Variants in ATP6V0A4 observed in about 807,000 individuals in gnomAD.
ATP6V0A4 encodes ATPase H+ transporting V0 subunit a4, also known as V-type proton ATPase 116 kDa subunit a 4.
In ATP6V0A4, 86 loss-of-function variants were observed where a neutral mutation model predicts 107.3. That is an observed-to-expected ratio of 0.80 (90% CI 0.67 to 0.96). ATP6V0A4 has a LOEUF of 0.96. Among genes scored for constraint, ATP6V0A4 ranks in the 40% least tolerant of loss-of-function variants. ATP6V0A4 has a pLI of 0.00. For missense variants in ATP6V0A4, 908 were observed against 1,045.6 expected (o/e 0.87, Z 1.81); for synonymous variants, 353 against 381.4 (o/e 0.93, Z 0.87).
chr7:138,736,750 T>C (rs1805344102), intron 15 of ATP6V0A4, among the ~76,000 whole-genome samples: 1 of 151,924 alleles, frequency 6.6e-6, no homozygotes, highest in African/African-American at 2.4e-5. Flanking sequence ...TTTGTATTTT[T>C]AGTAGAGATG....
chr7:138,728,637 G>T, intron 18 of ATP6V0A4, 124 bp downstream of exon 18: 1 of 1,370,076 alleles, frequency 7.3e-7, no homozygotes, highest in Non-Finnish European at 1.0e-6. Flanking sequence ...GGGCGGGTCA[G>T]TTCCTCAACA....
intron 20 of ATP6V0A4, among the ~76,000 whole-genome samples, chr7:138,711,364 C>G (rs561022494): frequency 6.6e-6 from 1 of 152,160 alleles, no homozygotes; most frequent in African/African-American, 2.4e-5. Flanking sequence ...CTTAGGTGTC[C>G]CTGGTCACAG....
intron 18 of ATP6V0A4, among the ~76,000 whole-genome samples, chr7:138,727,725 G>A (rs1266948413): frequency 1.3e-5 from 2 of 152,212 alleles, no homozygotes; most frequent in Non-Finnish European, 2.9e-5. Flanking sequence ...CACGGTCTCA[G>A]CACATTCCGC....
In ATP6V0A4 at chr7:138,768,994, C is replaced by A. The variant is rs1807230614; in HGVS notation, c.197-120G>T. On this transcript the variant is annotated intron_variant, in intron 4 of 21. Coordinates refer to ENST00000310018, the MANE Select transcript of ATP6V0A4 (RefSeq NM_020632.3). ...TCAGCTACCTGAATTGTCCTAGGAG[C>A]TGCCACAGCACCTGGATCCCACCCC... The A allele has an allele frequency of 1.9e-6, 3 of 1,572,112 alleles. No homozygotes were observed. In the African/African-American group the frequency reaches 4.1e-5, roughly 21 times the overall value.
chr7:138,768,224 G>A (rs529019574), intron 5 of ATP6V0A4, among the ~76,000 whole-genome samples: 6 of 152,220 alleles, frequency 3.9e-5, no homozygotes, highest in South Asian at 2.1e-4. Context: ...GAGCCACTGC[G>A]CCCAGCTGGT....
chr7:138,726,288 C>T (rs974277100), intron 18 of ATP6V0A4, among the ~76,000 whole-genome samples: 2 of 152,220 alleles, frequency 1.3e-5, no homozygotes, highest in East Asian at 1.9e-4. Flanking sequence ...CGTGCCCGGC[C>T]GAAGATTTTA....
chr7:138,727,464 T>C (rs1804778285), intron 18 of ATP6V0A4, among the ~76,000 whole-genome samples: 1 of 152,220 alleles, frequency 6.6e-6, no homozygotes, highest in Non-Finnish European at 1.5e-5. Flanking sequence ...TGCTTTGTCT[T>C]CCTCTTTATG....
At chr7:138,792,780 TG>T (rs753991317) in intron 1 of ATP6V0A4, among the ~76,000 whole-genome samples, 5,990 of 38,228 alleles carry the variant, frequency 0.16, 303 homozygotes, top group African/African-American at 0.26. Flanking sequence ...TTTTTTTTGT[TG>T]TTTTGTTTTT....
At chr7:138,797,665 G>T (rs1808748652) in intron 1 of ATP6V0A4, among the ~76,000 whole-genome samples, 1 of 152,062 alleles carries the variant, frequency 6.6e-6, no homozygotes, top group Non-Finnish European at 1.5e-5. Context: ...TTCGACAGCA[G>T]GTATCTCCCA....
chr7:138,728,934 A>G, intron 17 of ATP6V0A4, 72 bp from the exon 18 acceptor site: 1 of 1,611,208 alleles, frequency 6.2e-7, no homozygotes, highest in Non-Finnish European at 8.5e-7. Context: ...GATGAAAATG[A>G]CCACTATGGG....
intron 11 of ATP6V0A4, 139 bp from the exon 12 acceptor site, chr7:138,749,456 C>T (rs967785999): frequency 2.2e-5 from 19 of 882,918 alleles, no homozygotes; most frequent in South Asian, 3.3e-5. Context: ...CTGAGACTCA[C>T]GACCTTATGT....
intron 19 of ATP6V0A4, 46 bp from the exon 20 acceptor site, chr7:138,715,927 A>G: frequency 1.2e-6 from 2 of 1,606,084 alleles, no homozygotes; most frequent in South Asian, 1.1e-5. Flanking sequence ...AATTTTCTAC[A>G]CAAAAGTTAT....
At chr7:138,733,208 T>C (rs1805117880) in intron 16 of ATP6V0A4, 115 bp from the exon 17 acceptor site, 2 of 1,512,922 alleles carry the variant, frequency 1.3e-6, no homozygotes, top group African/African-American at 1.4e-5. Flanking sequence ...TTTTTTGCAC[T>C]ACTGGCAAAC....
intron 18 of ATP6V0A4, among the ~76,000 whole-genome samples, chr7:138,727,431 C>A (rs116901753): frequency 3.3e-5 from 5 of 152,326 alleles, no homozygotes; most frequent in Non-Finnish European, 7.3e-5. Flanking sequence ...CACCAGTTAA[C>A]CAAACAATAA....
At chr7:138,780,615 C>A (rs1291457172) in intron 2 of ATP6V0A4, among the ~76,000 whole-genome samples, 1 of 152,168 alleles carries the variant, frequency 6.6e-6, no homozygotes, top group South Asian at 2.1e-4. Flanking sequence ...TTGCTGAGCC[C>A]ACGCACAACC....
chr7:138,763,995 T>C (rs1215296022), intron 5 of ATP6V0A4, among the ~76,000 whole-genome samples: 1 of 148,534 alleles, frequency 6.7e-6, no homozygotes, highest in African/African-American at 2.5e-5. Context: ...TATATATATG[T>C]ATATATATAC....
Position 138,722,153 on chromosome 7 carries a change from T to A in ATP6V0A4, c.2011-128A>T, listed in dbSNP as rs1804454744. The A allele has an allele frequency of 3.4e-6, 5 of 1,466,756 alleles. No homozygotes were observed. The South Asian group carries it at 4.9e-5, about 14-fold the overall frequency. 90.9% of individuals were successfully genotyped at this position (1,466,756 alleles called of 1,614,324 possible). On this transcript the variant is annotated intron_variant, in intron 18 of 21. Transcript: ENST00000310018. ...AGACACTGTTCTAAACACTACACTA[T>A]CTCATTAAGCCCTCACAACAACCAT...
At chr7:138,747,264 G>A (rs958463621) in intron 13 of ATP6V0A4, among the ~76,000 whole-genome samples, 161 bp downstream of exon 13, 2 of 152,028 alleles carry the variant, frequency 1.3e-5, no homozygotes, top group Non-Finnish European at 2.9e-5. Flanking sequence ...ACCATCCAAA[G>A]GAATTACCTT....
rs757982771 is a variant in ATP6V0A4, at chr7:138,715,756, T to A, written c.2257+8A>T. 3 of 1,613,354 alleles carry A rather than the reference T, an allele frequency of 1.9e-6. No homozygotes were observed. In the East Asian group the frequency reaches 6.7e-5, roughly 36 times the overall value. On this transcript the variant is annotated splice_region_variant and intron_variant, in intron 20 of 21. Coordinates refer to ENST00000310018, the MANE Select transcript of ATP6V0A4 (RefSeq NM_020632.3). ...GCTGACTGTCCCCCCGATGGGCTGC[T>A]CACTCACGTGCATGAGCCAGGCTGA...
Sources: gnomAD v4.1 joint callset for allele counts (sites outside exome capture counted in the v4.1 genomes callset) on GRCh38, gnomAD v4.1.1 for gene constraint, MANE v1.5 for transcripts, NCBI Gene and HGNC (gene_info 2026-07-23, HGNC 2026-07-21) for gene names.